The following HSD17B12 variants were observed in gnomAD, a reference collection of about 807,000 sequenced individuals.
The protein encoded by HSD17B12 is hydroxysteroid 17-beta dehydrogenase 12.
A neutral mutation model predicts 39.3 loss-of-function variants in HSD17B12; 32 were observed. That is an observed-to-expected ratio of 0.81 (90% CI 0.61 to 1.09). The LOEUF is 1.09. HSD17B12 is among the 50% of genes least tolerant of loss of function. The pLI is 0.00. For missense variants in HSD17B12, 342 were observed against 382.9 expected (o/e 0.89, Z 0.89); for synonymous variants, 150 against 146.7 (o/e 1.02, Z -0.16).
chr11:43,562,219 AT>A, the HSD17B12 span, among the ~76,000 whole-genome samples: 1 of 152,222 alleles, frequency 6.6e-6, no homozygotes, highest in African/African-American at 2.4e-5. Context: ...GATATTAAAA[AT>A]TTTTTTAAAT....
chr11:43,817,263 G>A (rs1307297922), intron 6 of HSD17B12, among the ~76,000 whole-genome samples: 1 of 152,032 alleles, frequency 6.6e-6, no homozygotes, highest in Non-Finnish European at 1.5e-5. Context: ...CAGATGCATA[G>A]ATTGTGAAGA....
intron 4 of HSD17B12, among the ~76,000 whole-genome samples, chr11:43,804,028 C>T (rs1333503548): frequency 6.6e-6 from 1 of 152,128 alleles, no homozygotes; most frequent in Non-Finnish European, 1.5e-5. Flanking sequence ...CGTAATTTAC[C>T]AAGGCCAAAA....
the HSD17B12 span, among the ~76,000 whole-genome samples, chr11:43,623,609 C>T: frequency 6.6e-6 from 1 of 151,990 alleles, no homozygotes; most frequent in East Asian, 1.9e-4. Context: ...TTTTTAAAAG[C>T]TCCAAAACAT....
At chr11:43,712,500 GATA>G (rs1461125361) in intron 1 of HSD17B12, among the ~76,000 whole-genome samples, 1 of 151,814 alleles carries the variant, frequency 6.6e-6, no homozygotes, top group Non-Finnish European at 1.5e-5. Context: ...TTTTTCTACT[GATA>G]ATAACTCTTT....
chr11:43,584,661 C>T, the HSD17B12 span: 1 of 152,270 alleles, frequency 6.6e-6, no homozygotes, highest in African/African-American at 2.4e-5. Context: ...GATGAATAAA[C>T]TTAGAAGTCC....
At chr11:43,619,052 A>G in the HSD17B12 span, among the ~76,000 whole-genome samples, 22 of 150,644 alleles carry the variant, frequency 1.5e-4, no homozygotes, top group African/African-American at 4.9e-4. Context: ...TTTAAGAACA[A>G]CCCTATTTAG....
At chr11:43,814,947 G>C (rs1951107615) in intron 4 of HSD17B12, among the ~76,000 whole-genome samples, 1 of 152,096 alleles carries the variant, frequency 6.6e-6, no homozygotes, top group Non-Finnish European at 1.5e-5. Flanking sequence ...TATTAAATGA[G>C]CTCTCATTCT....
chr11:43,576,023 G>A, the HSD17B12 span, among the ~76,000 whole-genome samples: 2 of 152,106 alleles, frequency 1.3e-5, no homozygotes, highest in African/African-American at 4.8e-5. Context: ...GAGCTCTCCT[G>A]GGAAGCTCCT....
rs1590336014 is a variant in HSD17B12 at position 43,831,110 on chromosome 11, A to C, written c.536+100A>C. 1.8e-6 allele frequency: 2 copies of C among 1,089,288 alleles called. No individual in the cohort carries two copies. Among genetic ancestry groups the C allele is most frequent in the Non-Finnish European group, 2.7e-6 (2 of 742,222 alleles). The allele number at this position is 1,089,288 out of a possible 1,614,324, so 67.5% of individuals were successfully genotyped here. A position where few individuals can be genotyped will look rare whatever the true frequency, so the allele number is the denominator to read the frequency against. On this transcript the variant is annotated intron_variant, in intron 7 of 10. Transcript: ENST00000278353. This position sits in a 1 kb window ranked among gnomAD's most constrained non-coding sequence, Gnocchi z 4.1. The stretch of plus-strand genomic sequence containing the variant: ...AAAAAATCACTGAAGTGACTAATGA[A>C]CCAAGCCTCCATGTCTTAGCCACAG...
chr11:43,848,001 A>T (rs1312468319), intron 9 of HSD17B12, among the ~76,000 whole-genome samples: 1 of 152,172 alleles, frequency 6.6e-6, no homozygotes, highest in African/African-American at 2.4e-5. Flanking sequence ...ATATAGTTCT[A>T]TTGGGCTTCA....
intron 6 of HSD17B12, among the ~76,000 whole-genome samples, chr11:43,817,021 T>TAG (rs1565099953): frequency 5.3e-4 from 13 of 24,640 alleles, no homozygotes; most frequent in African/African-American, 1.5e-3. Context: ...TATATCTATA[T>TAG]CTATATCTAT....
At chr11:43,686,279 G>A (rs1949798105) in intron 1 of HSD17B12, among the ~76,000 whole-genome samples, 2 of 152,224 alleles carry the variant, frequency 1.3e-5, no homozygotes, top group African/African-American at 2.4e-5. Context: ...AGGGAAGGCA[G>A]AGAAACAAAC....
chr11:43,625,402 A>AT, the HSD17B12 span, among the ~76,000 whole-genome samples: 4 of 151,562 alleles, frequency 2.6e-5, no homozygotes, highest in South Asian at 2.1e-4. Context: ...ACTAAAAACA[A>AT]TTTTTTTGTA....
intron 3 of HSD17B12, among the ~76,000 whole-genome samples, chr11:43,784,952 G>A (rs1950802063): frequency 6.6e-6 from 1 of 152,170 alleles, no homozygotes; most frequent in Non-Finnish European, 1.5e-5. Flanking sequence ...TTTGGGGAAA[G>A]AGTCAGTTAA....
At chr11:43,744,477 C>G (rs951301407) in intron 1 of HSD17B12, among the ~76,000 whole-genome samples, 6 of 152,214 alleles carry the variant, frequency 3.9e-5, no homozygotes, top group African/African-American at 1.2e-4. Flanking sequence ...AAAATGATTT[C>G]CTACTTAGAA....
At position 43,831,184 on chromosome 11, in the gene HSD17B12, A is replaced by G; in HGVS notation, c.536+174A>G. The G allele has an allele frequency of 2.1e-6, 1 of 473,666 alleles. No individual in the cohort carries two copies. 29.3% of individuals were successfully genotyped at this position (473,666 alleles called of 1,614,324 possible). ...GTAGAGCATGAGTCATCGGTGGTGGAGGCCTTTTCCACTCGATTCCCTTTT... is the reference window on the plus strand; with the variant it reads ...GTAGAGCATGAGTCATCGGTGGTGGGGGCCTTTTCCACTCGATTCCCTTTT... On this transcript the variant is annotated intron_variant, in intron 7 of 10. Transcript: ENST00000278353. The surrounding 1 kb of genome is among the most constrained non-coding windows in gnomAD (Gnocchi z 4.1).
intron 1 of HSD17B12, among the ~76,000 whole-genome samples, chr11:43,693,577 G>A (rs1949883258): frequency 6.6e-6 from 1 of 152,138 alleles, no homozygotes; most frequent in African/African-American, 2.4e-5. Context: ...AGTCTCAGCT[G>A]TGCTTATATC....
At chr11:43,764,897 T>C (rs1273172409) in intron 3 of HSD17B12, among the ~76,000 whole-genome samples, 1 of 152,202 alleles carries the variant, frequency 6.6e-6, no homozygotes, top group Non-Finnish European at 1.5e-5. Flanking sequence ...CCAGACCATC[T>C]ACATTCAGTG....
At chr11:43,801,088 G>A (rs535230468) in intron 4 of HSD17B12, among the ~76,000 whole-genome samples, 5 of 151,912 alleles carry the variant, frequency 3.3e-5, no homozygotes, top group African/African-American at 7.2e-5. Context: ...GCAGTGAGCC[G>A]AGATTGCACC....
Sources: allele counts gnomAD v4.1 joint callset (sites outside exome capture counted in the v4.1 genomes callset), GRCh38; gene constraint gnomAD v4.1.1; non-coding constraint Gnocchi (gnomAD v3.1); transcripts MANE v1.5; gene names NCBI Gene and HGNC (gene_info 2026-07-23, HGNC 2026-07-21).